The following CORO1C variants were observed in gnomAD, a reference collection of about 807,000 sequenced individuals.
The protein encoded by CORO1C is coronin-1C.
A neutral mutation model predicts 51.2 loss-of-function variants in CORO1C; 14 were observed. The ratio of observed to expected loss-of-function variants is 0.27; its 90% CI spans 0.18 to 0.43. The LOEUF (loss-of-function observed/expected upper bound fraction) is 0.43, where lower values mean the gene tolerates loss of function less well. Among genes scored for constraint, CORO1C ranks in the 20% least tolerant of loss-of-function variants. The probability of loss-of-function intolerance (pLI) is 1.00; values close to 1 mark genes in which losing one functional copy is unlikely to be tolerated. For synonymous variants in CORO1C, 181 were observed against 210.5 expected, an observed-to-expected ratio of 0.86 and a Z score of 1.21; for missense variants, 417 against 607.8, an observed-to-expected ratio of 0.69 and a Z score of 3.30.
At chr12:108,702,693 T>C in intron 1 of CORO1C, 2 of 1,235,496 alleles carry the variant, frequency 1.6e-6, no homozygotes, top group African/African-American at 3.1e-5. Context: ...ACGAGACACA[T>C]GGTGGGCTGT....
At chr12:108,718,328 A>G (rs568338384) in intron 1 of CORO1C, among the ~76,000 whole-genome samples, 1 of 151,470 alleles carries the variant, frequency 6.6e-6, no homozygotes, top group South Asian at 2.1e-4. Flanking sequence ...AAATCGCACT[A>G]CTGCACTCCA....
intron 2 of CORO1C, among the ~76,000 whole-genome samples, chr12:108,682,155 G>A (rs964000858): frequency 6.6e-6 from 1 of 150,862 alleles, no homozygotes; most frequent in African/African-American, 2.4e-5. Context: ...AAGTATGAAT[G>A]CAACTCATGA....
In CORO1C at chr12:108,647,308, C is replaced by T; in HGVS notation, c.*95G>A. The T allele has an allele frequency of 8.7e-7, 1 of 1,145,546 alleles. No individual in the cohort carries two copies. Among genetic ancestry groups the T allele is most frequent in the Non-Finnish European group, 1.2e-6 (1 of 828,498 alleles). The allele number at this position is 1,145,546 out of a possible 1,614,324, so 71.0% of individuals were successfully genotyped here. A position where few individuals can be genotyped will look rare whatever the true frequency, so the allele number is the denominator to read the frequency against. ...AATGGAATGTCTCCAAATGGCAGTG[C>T]CTCCCTTTCCGCCCTCCCTAGGACC... On this transcript the variant is annotated 3_prime_UTR_variant, in exon 11 of 11. Transcript: ENST00000261401.
At chr12:108,678,141 CAG>C (rs1411857545) in intron 3 of CORO1C, 129 bp downstream of exon 3, 16 of 675,522 alleles carry the variant, frequency 2.4e-5, no homozygotes, top group Admixed American at 6.2e-5. Flanking sequence ...TAAAATCCAA[CAG>C]ACAGTCAAAA....
In CORO1C at chr12:108,652,255, C is replaced by G. The variant is rs2032708391; in HGVS notation, c.1001+17G>C. The G allele has an allele frequency of 6.2e-6, 10 of 1,611,084 alleles. No homozygotes were observed. Among genetic ancestry groups the G allele is most frequent in the Non-Finnish European group, 8.5e-6 (10 of 1,177,802 alleles). On this transcript the variant is annotated intron_variant, in intron 8 of 10. Transcript: ENST00000261401. ...AGTTACACCAACCTAGAATACTTGACAATCTCGATTCTTTACCTGGCAATC... is the reference window on the plus strand; with the variant it reads ...AGTTACACCAACCTAGAATACTTGAGAATCTCGATTCTTTACCTGGCAATC...
At chr12:108,728,554 A>G (rs1182704735) in intron 1 of CORO1C, among the ~76,000 whole-genome samples, 1 of 152,214 alleles carries the variant, frequency 6.6e-6, no homozygotes, top group Non-Finnish European at 1.5e-5. Context: ...TGAATATACC[A>G]AAAACCACAG....
intron 2 of CORO1C, among the ~76,000 whole-genome samples, chr12:108,686,847 C>G (rs2034311156): frequency 6.6e-6 from 1 of 152,126 alleles, no homozygotes; most frequent in African/African-American, 2.4e-5. Context: ...TACAGCCTGC[C>G]CAGAGCCAAG....
chr12:108,689,238 T>C (rs893589627), intron 2 of CORO1C, among the ~76,000 whole-genome samples: 4 of 152,152 alleles, frequency 2.6e-5, no homozygotes, highest in Non-Finnish European at 5.9e-5. Context: ...TGATAATCAC[T>C]GGTTCCTGCA....
chr12:108,653,101 G>C (rs1218834766), intron 7 of CORO1C: 1 of 152,140 alleles, frequency 6.6e-6, no homozygotes, highest in Non-Finnish European at 1.5e-5. Flanking sequence ...GAAAGAAGAA[G>C]GCAAAAATAG....
intron 1 of CORO1C, among the ~76,000 whole-genome samples, chr12:108,725,312 T>C (rs1270389391): frequency 6.6e-6 from 1 of 152,246 alleles, no homozygotes; most frequent in Non-Finnish European, 1.5e-5. Flanking sequence ...AAACTTACTC[T>C]ATTTGCTTCT....
intron 2 of CORO1C, among the ~76,000 whole-genome samples, chr12:108,696,114 G>T (rs2034673336): frequency 1.3e-5 from 2 of 152,096 alleles, no homozygotes; most frequent in South Asian, 4.1e-4. Context: ...AGCTAACAGA[G>T]ACCTGGCCAT....
chr12:108,654,825 G>A (rs1235309329), intron 6 of CORO1C, among the ~76,000 whole-genome samples: 1 of 151,776 alleles, frequency 6.6e-6, no homozygotes, highest in Non-Finnish European at 1.5e-5. Context: ...GCCTCAGCCT[G>A]GCAAGAGCTG....
intron 1 of CORO1C, among the ~76,000 whole-genome samples, chr12:108,719,046 C>T (rs1216321304): frequency 6.6e-6 from 1 of 152,202 alleles, no homozygotes; most frequent in Non-Finnish European, 1.5e-5. Context: ...CTACAAAAAG[C>T]TTTTATCAGC....
At chr12:108,675,180 GTA>G (rs201458763) in intron 3 of CORO1C, among the ~76,000 whole-genome samples, 3 of 151,066 alleles carry the variant, frequency 2.0e-5, no homozygotes, top group African/African-American at 7.3e-5. Flanking sequence ...ATTTTTAAAT[GTA>G]TATATATATA....
At chr12:108,659,016 T>C (rs545521139) in intron 4 of CORO1C, 97 bp from the exon 5 acceptor site, 2 of 1,264,016 alleles carry the variant, frequency 1.6e-6, no homozygotes, top group East Asian at 2.4e-5. Flanking sequence ...CATATGTATA[T>C]GCAGAGAGAG....
At chr12:108,725,890 T>C (rs1323803408) in intron 1 of CORO1C, among the ~76,000 whole-genome samples, 2 of 152,088 alleles carry the variant, frequency 1.3e-5, no homozygotes, top group Non-Finnish European at 2.9e-5. Flanking sequence ...GGCTGGAGTG[T>C]GATGGCGCAG....
Position 108,645,496 on chromosome 12 carries a change from T to G in CORO1C, c.*1907A>C, listed in dbSNP as rs2032315935. The G allele has an allele frequency of 6.6e-6, 1 of 152,128 alleles. No individual in the cohort carries two copies. The highest frequency in any genetic ancestry group is 2.4e-5 in the African/African-American group (1 of 41,350). 9.4% of individuals were successfully genotyped at this position (152,128 alleles called of 1,614,324 possible). ...ACAAAAGGTCCTCAGCAGATTACATTGATAAAGAAACAAATACAGATTTGA... is the reference window on the plus strand; with the variant it reads ...ACAAAAGGTCCTCAGCAGATTACATGGATAAAGAAACAAATACAGATTTGA... On this transcript the variant is annotated 3_prime_UTR_variant, in exon 11 of 11. Transcript: ENST00000261401.
Position 108,650,966 on chromosome 12 carries a change from T to C in CORO1C, c.1001+1306A>G, listed in dbSNP as rs575606519. Among the ~76,000 whole-genome samples, 110 of 152,338 alleles carry C rather than the reference T, an allele frequency of 7.2e-4. 1 individual carries two copies. Among genetic ancestry groups the C allele is most frequent in the African/African-American group, 2.6e-3 (107 of 41,572 alleles). ...CATAGAGAGTTTTGGTTTGTTTGTT[T>C]TTGTTTGTTTGAGACGGAGTCTCGC... On this transcript the variant is annotated intron_variant, in intron 8 of 10. Transcript: ENST00000261401.
At chr12:108,663,922 T>C (rs780802218) in intron 3 of CORO1C, among the ~76,000 whole-genome samples, 8 of 152,124 alleles carry the variant, frequency 5.3e-5, no homozygotes, top group Non-Finnish European at 1.0e-4. Context: ...GGGACATGCC[T>C]GGGCACAGGG....
Sources: allele counts gnomAD v4.1 joint callset (sites outside exome capture counted in the v4.1 genomes callset), GRCh38; gene constraint gnomAD v4.1.1; transcripts MANE v1.5; gene names NCBI Gene and HGNC (gene_info 2026-07-23, HGNC 2026-07-21).